Variants in HIP1 observed in about 807,000 individuals in gnomAD.
The protein encoded by HIP1 is huntingtin-interacting protein 1.
A neutral mutation model predicts 147.6 loss-of-function variants in HIP1; 65 were observed. That is an observed-to-expected ratio of 0.44 (90% CI 0.36 to 0.54). The LOEUF (loss-of-function observed/expected upper bound fraction) is 0.54. Ranked by LOEUF, HIP1 falls within the 20% of genes least tolerant of loss-of-function variation. The probability of loss-of-function intolerance (pLI) is 0.00; values close to 1 mark genes in which losing one functional copy is unlikely to be tolerated. For missense variants in HIP1, 1,061 were observed against 1,299.6 expected, an observed-to-expected ratio of 0.82 and a Z score of 2.82; for synonymous variants, 479 against 504.0, an observed-to-expected ratio of 0.95 and a Z score of 0.67.
At chr7:75,573,639 T>C in intron 8 of HIP1, 122 bp downstream of exon 8, 1 of 1,023,960 alleles carries the variant, frequency 9.8e-7, no homozygotes, top group Non-Finnish European at 1.4e-6. Context: ...CGGGGCCTTT[T>C]GGAACAGAAG....
intron 1 of HIP1, among the ~76,000 whole-genome samples, chr7:75,654,976 C>G (rs1799103440): frequency 3.3e-5 from 5 of 152,118 alleles, no homozygotes; most frequent in Admixed American, 3.3e-4. Flanking sequence ...TACCAAGGCC[C>G]CATCTCTACA....
intron 5 of HIP1, among the ~76,000 whole-genome samples, chr7:75,585,584 C>T (rs1412584290): frequency 6.6e-6 from 1 of 151,870 alleles, no homozygotes; most frequent in Non-Finnish European, 1.5e-5. Flanking sequence ...CCCCTCCACA[C>T]TCTCAGCCTC....
chr7:75,593,553 C>A (rs1277987343), intron 2 of HIP1, among the ~76,000 whole-genome samples: 2 of 147,984 alleles, frequency 1.4e-5, no homozygotes, highest in Non-Finnish European at 3.0e-5. Flanking sequence ...TTGCTTGAAT[C>A]CGGGAGGTGG....
intron 5 of HIP1, among the ~76,000 whole-genome samples, chr7:75,584,934 C>T (rs587719376): frequency 2.0e-5 from 3 of 151,812 alleles, no homozygotes; most frequent in Non-Finnish European, 2.9e-5. Flanking sequence ...CTGCAACCTC[C>T]GCCTCCTGGG....
At chr7:75,680,398 T>A (rs1800024526) in intron 1 of HIP1, among the ~76,000 whole-genome samples, 1 of 152,038 alleles carries the variant, frequency 6.6e-6, no homozygotes, top group African/African-American at 2.4e-5. Context: ...GTGGTCACCA[T>A]CCTAACAGAT....
rs1343267102 is a variant in HIP1, at chr7:75,736,844, T to C, written c.120+1957A>G. Among the ~76,000 whole-genome samples, 4 of 151,368 alleles carry C rather than the reference T, an allele frequency of 2.6e-5. No individual in the cohort carries two copies. The East Asian group carries it at 7.8e-4, about 30-fold the overall frequency. ...TGCATGGAGGCACTTTCTTTTTTTC[T>C]TTTTCTTTTTTTTTTTTGTAGAGAC... On this transcript the variant is annotated intron_variant, in intron 1 of 30. Transcript: ENST00000336926.
chr7:75,684,060 C>T (rs1270216682), intron 1 of HIP1, among the ~76,000 whole-genome samples: 2 of 151,248 alleles, frequency 1.3e-5, no homozygotes, highest in Non-Finnish European at 2.9e-5. Context: ...GGGAGGATTG[C>T]ATGAGACCAG....
At chr7:75,569,633 C>T (rs1584810323) in intron 8 of HIP1, among the ~76,000 whole-genome samples, 1 of 152,074 alleles carries the variant, frequency 6.6e-6, no homozygotes, top group African/African-American at 2.4e-5. Context: ...CAAAACAAAA[C>T]AAAAATGGCA....
intron 9 of HIP1, among the ~76,000 whole-genome samples, chr7:75,567,373 G>A (rs2116863888): frequency 6.6e-6 from 1 of 151,360 alleles, no homozygotes; most frequent in African/African-American, 2.5e-5. Flanking sequence ...GGCATAAGCA[G>A]GCAACTAATG....
chr7:75,600,767 A>T (rs1584862650), intron 1 of HIP1, among the ~76,000 whole-genome samples: 1 of 151,910 alleles, frequency 6.6e-6, no homozygotes, highest in East Asian at 1.9e-4. Context: ...TATTATTATT[A>T]TTTTTCGTCC....
chr7:75,713,392 TATCCGGTG>T (rs1801215652), intron 1 of HIP1, among the ~76,000 whole-genome samples: 3 of 152,164 alleles, frequency 2.0e-5, no homozygotes, highest in African/African-American at 7.2e-5. Context: ...GTCTTACTAG[TATCCGGTG>T]CTAGCTGCAC....
chr7:75,557,326 AAAAC>A (rs1254167485), intron 16 of HIP1, among the ~76,000 whole-genome samples: 5 of 151,766 alleles, frequency 3.3e-5, no homozygotes, highest in Non-Finnish European at 5.9e-5. Context: ...GCCGTCTCAA[AAAAC>A]AAACAAACAA....
chr7:75,616,372 C>T (rs1797662275), intron 1 of HIP1, among the ~76,000 whole-genome samples: 1 of 151,970 alleles, frequency 6.6e-6, no homozygotes, highest in South Asian at 2.1e-4. Context: ...TGGGTTCATG[C>T]AATCGTCCCA....
intron 26 of HIP1, 88 bp downstream of exon 26, chr7:75,545,000 G>A (rs1554490684): frequency 2.4e-6 from 2 of 849,018 alleles, no homozygotes; most frequent in Non-Finnish European, 3.8e-6. Context: ...CTAAGGGACA[G>A]ATTTTTTTTT....
At chr7:75,686,290 AT>A (rs1800259889) in intron 1 of HIP1, among the ~76,000 whole-genome samples, 1 of 152,074 alleles carries the variant, frequency 6.6e-6, no homozygotes, top group South Asian at 2.1e-4. Flanking sequence ...TGTCTTAAGA[AT>A]TTTTTTCCCT....
chr7:75,651,854 TA>T (rs1414183365), intron 1 of HIP1, among the ~76,000 whole-genome samples: 1 of 151,902 alleles, frequency 6.6e-6, no homozygotes, highest in Non-Finnish European at 1.5e-5. Context: ...TGATTGTTTT[TA>T]TTAAAGCACT....
intron 1 of HIP1, among the ~76,000 whole-genome samples, chr7:75,659,579 G>A (rs1213056896): frequency 1.3e-5 from 2 of 151,962 alleles, no homozygotes; most frequent in African/African-American, 4.8e-5. Context: ...AGCCTGGGAG[G>A]CAGAGGTTGC....
chr7:75,680,929 C>A (rs1488553727), intron 1 of HIP1, among the ~76,000 whole-genome samples: 3 of 152,172 alleles, frequency 2.0e-5, no homozygotes, highest in Non-Finnish European at 4.4e-5. Flanking sequence ...GCGCCCACCA[C>A]CACACCTGGC....
intron 12 of HIP1, 73 bp downstream of exon 12, chr7:75,562,000 G>C: frequency 1.2e-6 from 1 of 856,594 alleles, no homozygotes. Context: ...ATTCCTCTTT[G>C]GTTAGTGTTT....
Sources: gnomAD v4.1 joint callset for allele counts (sites outside exome capture counted in the v4.1 genomes callset) on GRCh38, gnomAD v4.1.1 for gene constraint, MANE v1.5 for transcripts, NCBI Gene and HGNC (gene_info 2026-07-23, HGNC 2026-07-21) for gene names.